Variants in GRIN2B observed in about 807,000 individuals in gnomAD.
The protein encoded by GRIN2B is glutamate ionotropic receptor NMDA type subunit 2B.
A neutral mutation model predicts 114.5 loss-of-function variants in GRIN2B; 5 were observed. The ratio of observed to expected loss-of-function variants is 0.04; its 90% CI spans 0.02 to 0.09. The LOEUF (loss-of-function observed/expected upper bound fraction) is 0.09. GRIN2B is among the 10% of genes least tolerant of loss of function. The pLI is 1.00. For missense variants in GRIN2B, 1,108 were observed against 1,943.5 expected (o/e 0.57, Z 8.08); for synonymous variants, 787 against 745.1 (o/e 1.06, Z -0.92).
At chr12:13,930,191 A>G (rs1867001013) in intron 2 of GRIN2B, among the ~76,000 whole-genome samples, 1 of 152,198 alleles carries the variant, frequency 6.6e-6, no homozygotes, top group Admixed American at 6.5e-5. Context: ...CTCACAATAA[A>G]TAGATAAATA....
chr12:13,731,851 GATTA>G (rs1455079238), intron 4 of GRIN2B, among the ~76,000 whole-genome samples: 2 of 152,094 alleles, frequency 1.3e-5, no homozygotes, highest in Non-Finnish European at 1.5e-5. Context: ...GTAATAATGA[GATTA>G]ATTTTCTTAA....
intron 4 of GRIN2B, among the ~76,000 whole-genome samples, chr12:13,687,579 C>G (rs1403195622): frequency 6.6e-6 from 1 of 152,210 alleles, no homozygotes; most frequent in Non-Finnish European, 1.5e-5. Context: ...GAATGTTCTA[C>G]TTGAATGCTC....
chr12:13,903,524 C>T (rs1866490869), intron 2 of GRIN2B, among the ~76,000 whole-genome samples: 1 of 151,934 alleles, frequency 6.6e-6, no homozygotes, highest in Non-Finnish European at 1.5e-5. Context: ...GCTAGTTGTC[C>T]TTTTGCTTTT....
Position 13,878,184 on chromosome 12 carries a change from C to T in GRIN2B, c.-18-11958G>A, listed in dbSNP as rs551173680. On this transcript the variant is annotated intron_variant, in intron 2 of 13. Coordinates refer to ENST00000609686, the MANE Select transcript of GRIN2B (RefSeq NM_000834.5). ...AGTCGTCCGGTTTCCAGGTGGGTTT[C>T]GCCAATAGACAACACAATCAGGAGA... is the stretch of plus-strand genomic sequence containing the variant. 3.3e-5 allele frequency among the ~76,000 whole-genome samples: 5 copies of T among 152,170 alleles called. No individual in the cohort carries two copies. The East Asian group carries it at 7.7e-4, about 24-fold the overall frequency.
chr12:13,660,227 G>C (rs1314618931), intron 5 of GRIN2B, among the ~76,000 whole-genome samples: 1 of 152,110 alleles, frequency 6.6e-6, no homozygotes, highest in East Asian at 1.9e-4. Flanking sequence ...CTGGGGGAGA[G>C]GACCACACAC....
At chr12:13,957,798 C>A (rs1352489466) in intron 2 of GRIN2B, among the ~76,000 whole-genome samples, 1 of 152,190 alleles carries the variant, frequency 6.6e-6, no homozygotes, top group Non-Finnish European at 1.5e-5. Context: ...TGAGCTCCCA[C>A]ATTCTGAATC....
intron 4 of GRIN2B, among the ~76,000 whole-genome samples, chr12:13,751,806 G>A (rs760199646): frequency 6.6e-6 from 1 of 152,114 alleles, no homozygotes; most frequent in Non-Finnish European, 1.5e-5. Context: ...GACATTAATT[G>A]TATCCTTGGG....
rs1350484962 is a variant in GRIN2B, at chr12:13,555,836, T to A, written c.*6947A>T. The A allele has an allele frequency of 6.6e-6, 1 of 152,166 alleles. No individual in the cohort carries two copies. Among genetic ancestry groups the A allele is most frequent in the Non-Finnish European group, 1.5e-5 (1 of 68,036 alleles). The allele number at this position is 152,166 out of a possible 1,614,324, so 9.4% of individuals were successfully genotyped here. A position where few individuals can be genotyped will look rare whatever the true frequency, so the allele number is the denominator to read the frequency against. ...CATTGGAGAAATTAAAAAGTCCAAG[T>A]GAGTAGGCTTCAGGTGAGGTTAAAT... On this transcript the variant is annotated 3_prime_UTR_variant, in exon 14 of 14. Coordinates refer to ENST00000609686, the MANE Select transcript of GRIN2B (RefSeq NM_000834.5).
At chr12:13,899,239 AAAAAAC>A (rs1287982383) in intron 2 of GRIN2B, among the ~76,000 whole-genome samples, 2 of 152,352 alleles carry the variant, frequency 1.3e-5, no homozygotes, top group South Asian at 2.1e-4. Flanking sequence ...TTTGAAGTCA[AAAAAAC>A]AAAAACAAAA....
At position 13,728,964 on chromosome 12, in the gene GRIN2B, C is replaced by T. The variant is rs1017499815; in HGVS notation, c.1010+24353G>A. On this transcript the variant is annotated intron_variant, in intron 4 of 13. Transcript: ENST00000609686. Reference sequence around the variant, plus strand: ...ATTATTCAAAAGAAACCCTTACCTCCCTCAGCACCCATCAGTAAAACTCTC... The same window carrying T: ...ATTATTCAAAAGAAACCCTTACCTCTCTCAGCACCCATCAGTAAAACTCTC... Among the ~76,000 whole-genome samples, 8 of 152,234 alleles carry T rather than the reference C, an allele frequency of 5.3e-5. No homozygotes were observed. The South Asian group carries it at 1.5e-3, about 28-fold the overall frequency.
intron 2 of GRIN2B, among the ~76,000 whole-genome samples, chr12:13,968,544 C>T (rs1195033039): frequency 6.6e-6 from 1 of 152,184 alleles, no homozygotes; most frequent in East Asian, 1.9e-4. Context: ...CCTCTCTCCT[C>T]AATTCCACCT....
intron 3 of GRIN2B, among the ~76,000 whole-genome samples, chr12:13,793,217 T>C (rs1304343032): frequency 1.3e-5 from 2 of 152,030 alleles, no homozygotes; most frequent in Non-Finnish European, 2.9e-5. Context: ...GGCCAGGAGC[T>C]CGAGACCAGC....
At position 13,661,175 on chromosome 12, in the gene GRIN2B, T is replaced by C. The variant is rs1459374548; in HGVS notation, c.1125+14570A>G. ...CCTTTCTTTGCTAGGTAAATGCCCT[T>C]GGATCACTCCAATTCTCTGTAAAGC... is the stretch of plus-strand genomic sequence containing the variant. On this transcript the variant is annotated intron_variant, in intron 5 of 13. Transcript: ENST00000609686. Among the ~76,000 whole-genome samples the C allele has an allele frequency of 2.0e-5, 3 of 152,170 alleles. No homozygotes were observed. The East Asian group carries it at 5.8e-4, about 29-fold the overall frequency.
At chr12:13,582,297 C>A (rs1464230925) in intron 10 of GRIN2B, among the ~76,000 whole-genome samples, 1 of 152,136 alleles carries the variant, frequency 6.6e-6, no homozygotes, top group Non-Finnish European at 1.5e-5. Context: ...GAATATTGTT[C>A]AAATTCATTC....
intron 10 of GRIN2B, among the ~76,000 whole-genome samples, chr12:13,581,447 C>T (rs55995603): frequency 0.06 from 9,155 of 152,164 alleles, 357 homozygotes; most frequent in African/African-American, 0.11. Context: ...GCAGGAAGCA[C>T]CCTCTCTCCT....
At chr12:13,656,651 A>T (rs1412908907) in intron 5 of GRIN2B, among the ~76,000 whole-genome samples, 2 of 152,212 alleles carry the variant, frequency 1.3e-5, no homozygotes, top group East Asian at 3.9e-4. Context: ...CCTTCCCAGG[A>T]AGGTAGCTGT....
chr12:13,623,151 T>G (rs562751539), intron 5 of GRIN2B, among the ~76,000 whole-genome samples: 1 of 152,362 alleles, frequency 6.6e-6, no homozygotes, highest in Admixed American at 6.5e-5. Context: ...CAGTGTGGAA[T>G]TTCTTCCAAC....
chr12:13,908,433 A>G (rs193208336), intron 2 of GRIN2B, among the ~76,000 whole-genome samples: 43 of 152,320 alleles, frequency 2.8e-4, no homozygotes, highest in African/African-American at 9.9e-4. Context: ...TGAGTTAAAT[A>G]CTAATATTGT....
At position 13,540,929 on chromosome 12, in the gene GRIN2B, T is replaced by C. The variant is rs2136377678; in HGVS notation, c.*21854A>G. On this transcript the variant is annotated 3_prime_UTR_variant, in exon 14 of 14. Coordinates refer to ENST00000609686, the MANE Select transcript of GRIN2B (RefSeq NM_000834.5). ...GACCATTTCCCCTCTGCCATGTGAC[T>C]TTGGGAGGGGTGCAGCTGTGAATTT... is the stretch of plus-strand genomic sequence containing the variant. 6.6e-6 allele frequency: 1 copy of C among 152,360 alleles called. No homozygotes were observed. Among genetic ancestry groups the C allele is most frequent in the South Asian group, 2.1e-4 (1 of 4,820 alleles). 9.4% of individuals were successfully genotyped at this position (152,360 alleles called of 1,614,324 possible). A position where few individuals can be genotyped will look rare whatever the true frequency, so the allele number is the denominator to read the frequency against.
Sources: gnomAD v4.1 joint callset for allele counts (sites outside exome capture counted in the v4.1 genomes callset) on GRCh38, gnomAD v4.1.1 for gene constraint, MANE v1.5 for transcripts, NCBI Gene and HGNC (gene_info 2026-07-23, HGNC 2026-07-21) for gene names.